PDE3B: variants seen among roughly 807,000 people sequenced by gnomAD.
PDE3B encodes the protein cGMP-inhibited 3',5'-cyclic phosphodiesterase 3B.
PDE3B carries 66 observed loss-of-function variants against 116.8 expected under a neutral mutation model. The ratio of observed to expected loss-of-function variants is 0.56; its 90% CI spans 0.46 to 0.69. PDE3B has a LOEUF of 0.69. PDE3B is among the 30% of genes least tolerant of loss of function. PDE3B has a pLI of 0.00. For synonymous variants in PDE3B, 595 were observed against 533.6 expected (o/e 1.12, Z -1.59); for missense variants, 1,384 against 1,368.1 (o/e 1.01, Z -0.18).
In PDE3B at chr11:14,660,304, C is replaced by CTTT. The variant is rs761213939; in HGVS notation, c.978+15264_978+15266dup. ...TCCTTATATTATTGCTTCTAATATT[C>CTTT]TTTTTTTTTTTTTTTGAGGTGGGGT... On this transcript the variant is annotated intron_variant, in intron 1 of 15. Coordinates refer to ENST00000282096, the MANE Select transcript of PDE3B (RefSeq NM_000922.4). Among the ~76,000 whole-genome samples the CTTT allele has an allele frequency of 2.1e-5, 3 of 140,592 alleles. No individual in the cohort carries two copies. The East Asian group carries it at 6.1e-4, about 29-fold the overall frequency. 92.2% of individuals were successfully genotyped at this position (140,592 alleles called of 152,430 possible). A position where few individuals can be genotyped will look rare whatever the true frequency, so the allele number is the denominator to read the frequency against.
chr11:14,735,491 T>C (rs1444042505), intron 1 of PDE3B, among the ~76,000 whole-genome samples: 2 of 152,076 alleles, frequency 1.3e-5, no homozygotes. Context: ...CTATCAAATA[T>C]AAGGGGATAT....
intron 14 of PDE3B, among the ~76,000 whole-genome samples, chr11:14,866,237 C>T (rs1434340447): frequency 7.2e-5 from 11 of 152,172 alleles, no homozygotes; most frequent in Non-Finnish European, 1.6e-4. Flanking sequence ...GAGAGTTTCA[C>T]TTAATCTAAG....
chr11:14,824,216 A>G lies in PDE3B; in HGVS notation c.1807+5007A>G, dbSNP rs201315380. On this transcript the variant is annotated intron_variant, in intron 7 of 15. Coordinates refer to ENST00000282096, the MANE Select transcript of PDE3B (RefSeq NM_000922.4). ...CACATGCAGAGATAAGAAAGAACCA[A>G]TGCAAGAACTCCAGCAACCTAAATG... Among the ~76,000 whole-genome samples the G allele has an allele frequency of 2.0e-5, 3 of 152,306 alleles. No homozygotes were observed. In the East Asian group the frequency reaches 5.8e-4, roughly 29 times the overall value.
intron 13 of PDE3B, among the ~76,000 whole-genome samples, chr11:14,859,705 CTAGTT>C (rs1245874911): frequency 1.1e-4 from 17 of 152,088 alleles, no homozygotes; most frequent in African/African-American, 3.6e-4. Flanking sequence ...CTTTAGCTGG[CTAGTT>C]TAGGGAAAAG....
intron 13 of PDE3B, among the ~76,000 whole-genome samples, chr11:14,859,815 C>CTCAT (rs1241211243): frequency 5.9e-5 from 9 of 152,166 alleles, no homozygotes; most frequent in Non-Finnish European, 1.3e-4. Context: ...GGCCAAAGAA[C>CTCAT]TCATATTCAC....
intron 3 of PDE3B, 182 bp from the exon 4 acceptor site, chr11:14,788,924 A>T (rs1407266670): frequency 2.4e-6 from 1 of 416,376 alleles, no homozygotes; most frequent in Non-Finnish European, 4.2e-6. Context: ...AGAGGAATAG[A>T]ATAACAAAAT....
chr11:14,668,819 A>G (rs1161115720), intron 1 of PDE3B, among the ~76,000 whole-genome samples: 1 of 152,102 alleles, frequency 6.6e-6, no homozygotes, highest in East Asian at 1.9e-4. Context: ...AAAAGTAAAC[A>G]CTACTATGTC....
At chr11:14,725,695 A>G (rs372774849) in intron 1 of PDE3B, among the ~76,000 whole-genome samples, 22 of 143,890 alleles carry the variant, frequency 1.5e-4, no homozygotes, top group African/African-American at 5.2e-4. Flanking sequence ...TGACTACTCC[A>G]TCTTTAACAT....
chr11:14,809,094 A>C (rs150199332), intron 5 of PDE3B, among the ~76,000 whole-genome samples: 222 of 152,316 alleles, frequency 1.5e-3, no homozygotes, highest in African/African-American at 4.9e-3. Flanking sequence ...CCCACTTTCA[A>C]ATTTTAAAAC....
At chr11:14,872,745 A>G (rs1848156031), downstream of PDE3B, among the ~76,000 whole-genome samples, 2 of 152,210 alleles carry the variant, frequency 1.3e-5, no homozygotes, top group Non-Finnish European at 2.9e-5. Context: ...AGTCAACCCT[A>G]TGGAACCTGC....
intron 7 of PDE3B, among the ~76,000 whole-genome samples, chr11:14,821,430 A>C (rs1202515773): frequency 6.6e-6 from 1 of 152,234 alleles, no homozygotes; most frequent in East Asian, 1.9e-4. Context: ...TGTTGTAGAC[A>C]TCTTTAGAAA....
At chr11:14,654,782 C>T (rs1409692841) in intron 1 of PDE3B, among the ~76,000 whole-genome samples, 1 of 134,144 alleles carries the variant, frequency 7.5e-6, no homozygotes, top group Non-Finnish European at 1.6e-5. Context: ...TACACAGCAG[C>T]TGTCTACACA....
At chr11:14,679,091 A>C (rs1854618804) in intron 1 of PDE3B, among the ~76,000 whole-genome samples, 2 of 152,126 alleles carry the variant, frequency 1.3e-5, no homozygotes, top group Non-Finnish European at 2.9e-5. Context: ...CGGGTTATTG[A>C]TTCTGTCACA....
At chr11:14,769,625 T>A (rs1212195228) in intron 1 of PDE3B, among the ~76,000 whole-genome samples, 1 of 147,426 alleles carries the variant, frequency 6.8e-6, no homozygotes, top group East Asian at 1.9e-4. Context: ...TTATATTGTA[T>A]ATACATATGT....
At chr11:14,876,751 A>G (rs546628433), downstream of PDE3B, among the ~76,000 whole-genome samples, 3 of 152,302 alleles carry the variant, frequency 2.0e-5, no homozygotes, top group African/African-American at 7.2e-5. Flanking sequence ...TAGCCTTAAG[A>G]TAAAGCTGGT....
intron 1 of PDE3B, among the ~76,000 whole-genome samples, chr11:14,767,471 C>T (rs10734227): frequency 0.66 from 99,364 of 151,272 alleles, 32,907 homozygotes; most frequent in African/African-American, 0.74. Flanking sequence ...TTATGTTACC[C>T]TATTTTTATC....
chr11:14,724,962 C>T (rs979527975), intron 1 of PDE3B, among the ~76,000 whole-genome samples: 5 of 152,174 alleles, frequency 3.3e-5, no homozygotes, highest in African/African-American at 1.2e-4. Context: ...AAGATCTTTG[C>T]TGTCATGGAA....
chr11:14,793,370 T>C (rs1858450237), intron 4 of PDE3B, among the ~76,000 whole-genome samples: 2 of 152,202 alleles, frequency 1.3e-5, no homozygotes, highest in Admixed American at 6.5e-5. Context: ...AACGTGATTT[T>C]ATATAATATT....
chr11:14,805,871 G>T (rs902320901), intron 5 of PDE3B, among the ~76,000 whole-genome samples: 8 of 152,198 alleles, frequency 5.3e-5, no homozygotes, highest in Non-Finnish European at 1.2e-4. Flanking sequence ...CATTTATGCA[G>T]CCAACAGACA....
Sources: gnomAD v4.1 joint callset for allele counts (sites outside exome capture counted in the v4.1 genomes callset) on GRCh38, gnomAD v4.1.1 for gene constraint, MANE v1.5 for transcripts, NCBI Gene and HGNC (gene_info 2026-07-23, HGNC 2026-07-21) for gene names.